PARD3: variants seen among roughly 807,000 people sequenced by gnomAD.
PARD3 encodes the protein partitioning defective 3 homolog.
In PARD3, 75 loss-of-function variants were observed where a neutral mutation model predicts 155.4. The observed-to-expected ratio is 0.48, with a 90% CI of 0.40 to 0.58. The LOEUF is 0.58. PARD3 is among the 20% of genes least tolerant of loss of function. The pLI is 0.00. For synonymous variants in PARD3, 576 were observed against 610.5 expected (o/e 0.94, Z 0.83); for missense variants, 1,642 against 1,721.7 (o/e 0.95, Z 0.82).
At chr10:34,756,669 G>C (rs1449538317) in intron 1 of PARD3, among the ~76,000 whole-genome samples, 1 of 151,002 alleles carries the variant, frequency 6.6e-6, no homozygotes, top group East Asian at 2.0e-4. Context: ...GCCCAAACTG[G>C]CCTCAAACTG....
At chr10:34,263,394 C>T (rs1465727755) in intron 22 of PARD3, among the ~76,000 whole-genome samples, 7 of 152,088 alleles carry the variant, frequency 4.6e-5, no homozygotes, top group East Asian at 1.9e-4. Flanking sequence ...CGGTGGCTCA[C>T]GCCTGTAATC....
At chr10:34,119,555 G>T (rs1323212495) in intron 24 of PARD3, 58 bp downstream of exon 24, 14 of 1,521,602 alleles carry the variant, frequency 9.2e-6, no homozygotes, top group African/African-American at 4.1e-5. Context: ...CGTTCCTAAA[G>T]GGCGGGGGAT....
chr10:34,309,438 G>A (rs116381245), intron 20 of PARD3, among the ~76,000 whole-genome samples: 1,886 of 151,164 alleles, frequency 0.012, 31 homozygotes, highest in African/African-American at 0.042. Flanking sequence ...CACGCCTGTA[G>A]TCCCAGCTAC....
At chr10:34,713,538 T>C (rs1590777402) in intron 1 of PARD3, among the ~76,000 whole-genome samples, 1 of 151,640 alleles carries the variant, frequency 6.6e-6, no homozygotes, top group African/African-American at 2.4e-5. Flanking sequence ...GGCGGGAGGG[T>C]TGCTTGAGGC....
intron 5 of PARD3, among the ~76,000 whole-genome samples, chr10:34,439,127 AG>A (rs1458643506): frequency 1.3e-5 from 2 of 152,248 alleles, no homozygotes; most frequent in African/African-American, 2.4e-5. Flanking sequence ...AGACAGGATG[AG>A]AGTGAAAACT....
chr10:34,354,833 T>C (rs890429355), intron 14 of PARD3, among the ~76,000 whole-genome samples: 4 of 152,114 alleles, frequency 2.6e-5, no homozygotes, highest in African/African-American at 7.2e-5. Context: ...CCTGGAGACA[T>C]GGAAAGCCTC....
chr10:34,684,749 T>C (rs2133369351), intron 2 of PARD3, among the ~76,000 whole-genome samples: 1 of 151,048 alleles, frequency 6.6e-6, no homozygotes, highest in African/African-American at 2.4e-5. Flanking sequence ...TTCAGTTACA[T>C]GTCTATAAGA....
chr10:34,640,736 A>AAAAAAAAAAAAAG (rs2092651601), intron 2 of PARD3, among the ~76,000 whole-genome samples: 3 of 144,066 alleles, frequency 2.1e-5, no homozygotes, highest in African/African-American at 7.9e-5. Flanking sequence ...AAAAAAAAAA[A>AAAAAAAAAAAAAG]GCACTTTTAG....
chr10:34,575,359 T>G (rs1188113601), intron 2 of PARD3, among the ~76,000 whole-genome samples: 1 of 152,222 alleles, frequency 6.6e-6, no homozygotes, highest in East Asian at 1.9e-4. Flanking sequence ...AAATTTTAAT[T>G]TGATTTTAAA....
At chr10:34,212,218 C>T (rs1445636686) in intron 22 of PARD3, among the ~76,000 whole-genome samples, 4 of 152,118 alleles carry the variant, frequency 2.6e-5, no homozygotes, top group Admixed American at 1.3e-4. Flanking sequence ...CCCCCATCCC[C>T]GTGACTTTAT....
intron 21 of PARD3, among the ~76,000 whole-genome samples, chr10:34,281,059 A>G (rs1053444256): frequency 6.6e-6 from 1 of 152,152 alleles, no homozygotes; most frequent in Non-Finnish European, 1.5e-5. Flanking sequence ...AAACAACAGA[A>G]AGCCAACGTG....
intron 20 of PARD3, among the ~76,000 whole-genome samples, chr10:34,305,393 C>A (rs1302040797): frequency 6.6e-6 from 1 of 152,210 alleles, no homozygotes; most frequent in African/African-American, 2.4e-5. Context: ...TGGCTGGGGC[C>A]TTCAGAAGGG....
intron 8 of PARD3, 92 bp downstream of exon 8, chr10:34,384,037 G>A (rs1342007484): frequency 7.8e-7 from 1 of 1,280,474 alleles, no homozygotes; most frequent in African/African-American, 1.5e-5. Flanking sequence ...TATACAGACT[G>A]AGATCACAGA....
intron 2 of PARD3, among the ~76,000 whole-genome samples, chr10:34,539,768 G>C (rs2083473370): frequency 6.6e-6 from 1 of 152,338 alleles, no homozygotes; most frequent in African/African-American, 2.4e-5. Flanking sequence ...CTATGTAAAA[G>C]TGTATGATGG....
At chr10:34,591,260 CCAAA>C (rs1187439431) in intron 2 of PARD3, among the ~76,000 whole-genome samples, 4 of 152,086 alleles carry the variant, frequency 2.6e-5, no homozygotes, top group Admixed American at 2.0e-4. Flanking sequence ...CTGTGTGTGC[CCAAA>C]CAAAGGGTCT....
chr10:34,574,488 C>T (rs2086732227), intron 2 of PARD3, among the ~76,000 whole-genome samples: 1 of 152,210 alleles, frequency 6.6e-6, no homozygotes, highest in South Asian at 2.1e-4. Context: ...CCTCCACATT[C>T]ACCAGGAATC....
intron 2 of PARD3, among the ~76,000 whole-genome samples, chr10:34,564,242 T>C (rs1268854732): frequency 6.6e-6 from 1 of 152,216 alleles, no homozygotes. Flanking sequence ...GACAGAGAAG[T>C]AGTGTGTCAT....
chr10:34,462,719 G>A (rs368119850), intron 4 of PARD3, among the ~76,000 whole-genome samples: 93 of 151,666 alleles, frequency 6.1e-4, no homozygotes, highest in African/African-American at 2.1e-3. Flanking sequence ...CATGCTTGTA[G>A]TCCAAGCTAC....
intron 1 of PARD3, among the ~76,000 whole-genome samples, chr10:34,702,062 G>A (rs2094289890): frequency 6.6e-6 from 1 of 152,082 alleles, no homozygotes; most frequent in African/African-American, 2.4e-5. Context: ...CTACTCAGGA[G>A]GCTGAGGCAG....
Sources: allele counts gnomAD v4.1 joint callset (sites outside exome capture counted in the v4.1 genomes callset), GRCh38; gene constraint gnomAD v4.1.1; transcripts MANE v1.5; gene names NCBI Gene and HGNC (gene_info 2026-07-23, HGNC 2026-07-21).